The following KCNH7 variants were observed in gnomAD, a reference collection of about 807,000 sequenced individuals.
The protein encoded by KCNH7 is voltage-gated inwardly rectifying potassium channel KCNH7.
A neutral mutation model predicts 120.8 loss-of-function variants in KCNH7; 49 were observed. That is an observed-to-expected ratio of 0.41 (90% CI 0.32 to 0.51). The LOEUF (loss-of-function observed/expected upper bound fraction) is 0.51, where lower values mean the gene tolerates loss of function less well. Ranked by LOEUF, KCNH7 falls within the 20% of genes least tolerant of loss-of-function variation. KCNH7 has a pLI of 0.38. For missense variants in KCNH7, 1,097 were observed against 1,446.6 expected (o/e 0.76, Z 3.92); for synonymous variants, 547 against 516.1 (o/e 1.06, Z -0.81).
chr2:162,402,384 A>T (rs1490444295), intron 9 of KCNH7, among the ~76,000 whole-genome samples: 2 of 146,982 alleles, frequency 1.4e-5, no homozygotes, highest in African/African-American at 2.5e-5. Context: ...AATGCTGGCC[A>T]CTTTGCTTGG....
intron 2 of KCNH7, among the ~76,000 whole-genome samples, chr2:162,571,881 A>C (rs915775548): frequency 2.6e-5 from 4 of 151,906 alleles, no homozygotes; most frequent in Admixed American, 2.6e-4. Context: ...CTTACACCTT[A>C]TACAAAAATC....
intron 6 of KCNH7, among the ~76,000 whole-genome samples, chr2:162,498,821 A>T (rs183059129): frequency 6.0e-4 from 91 of 152,178 alleles, no homozygotes; most frequent in Non-Finnish European, 1.1e-3. Flanking sequence ...TTAGGTGGGG[A>T]GTGCAGTCAA....
chr2:162,546,619 G>A (rs1416977449), intron 2 of KCNH7, among the ~76,000 whole-genome samples: 3 of 152,148 alleles, frequency 2.0e-5, no homozygotes, highest in African/African-American at 7.2e-5. Flanking sequence ...CATGCCTGGT[G>A]TGCCCATGAT....
chr2:162,664,495 C>T (rs889314413), intron 2 of KCNH7, among the ~76,000 whole-genome samples: 3 of 152,070 alleles, frequency 2.0e-5, no homozygotes, highest in Non-Finnish European at 4.4e-5. Context: ...AATAATTTGC[C>T]CACTGATACA....
chr2:162,700,366 G>A (rs538763960), intron 2 of KCNH7, among the ~76,000 whole-genome samples: 20 of 152,274 alleles, frequency 1.3e-4, no homozygotes, highest in African/African-American at 4.8e-4. Context: ...GCTGCAAGCT[G>A]ACTGACCTCG....
chr2:162,632,101 A>G (rs756486248), intron 2 of KCNH7, among the ~76,000 whole-genome samples: 14 of 152,010 alleles, frequency 9.2e-5, no homozygotes, highest in Non-Finnish European at 1.3e-4. Flanking sequence ...GTATTTGGAG[A>G]TAAGGTTATA....
chr2:162,776,129 A>T lies in KCNH7; in HGVS notation c.307+60408T>A, dbSNP rs570498019. Among the ~76,000 whole-genome samples, 4 of 152,296 alleles carry T rather than the reference A, an allele frequency of 2.6e-5. No homozygotes were observed. In the South Asian group the frequency reaches 8.3e-4, roughly 32 times the overall value. On this transcript the variant is annotated intron_variant, in intron 2 of 15. Transcript: ENST00000332142. ...TAAGCTACGAATATACCGTTCTCTC[A>T]TTTATTTAGCAGGTATTTATCAAGT...
intron 2 of KCNH7, among the ~76,000 whole-genome samples, chr2:162,785,443 C>T (rs187524245): frequency 3.3e-5 from 5 of 152,270 alleles, no homozygotes; most frequent in Non-Finnish European, 5.9e-5. Flanking sequence ...ATTAGTGTTA[C>T]TATATCATGA....
chr2:162,691,232 TC>T (rs1172668430), intron 2 of KCNH7, among the ~76,000 whole-genome samples: 1 of 152,214 alleles, frequency 6.6e-6, no homozygotes, highest in African/African-American at 2.4e-5. Context: ...AGTGGTGGTT[TC>T]CTCTGAATTG....
intron 2 of KCNH7, among the ~76,000 whole-genome samples, chr2:162,677,133 ATT>A (rs1403952904): frequency 6.6e-6 from 1 of 151,582 alleles, no homozygotes; most frequent in East Asian, 1.9e-4. Flanking sequence ...AGTGCTAGTA[ATT>A]TTTGAACAGA....
At position 162,489,584 on chromosome 2, in the gene KCNH7, G is replaced by A. The variant is rs181938411; in HGVS notation, c.1128+14859C>T. Among the ~76,000 whole-genome samples, 160 of 152,232 alleles carry A rather than the reference G, an allele frequency of 1.1e-3. 1 individual carries two copies. The highest frequency in any genetic ancestry group is 3.7e-3 in the African/African-American group (155 of 41,534). The stretch of plus-strand genomic sequence containing the variant: ...ACTCAAAGTCTCTATTTAATCAAAG[G>A]CCCTTGAAGACAATGATCTTATTTA... On this transcript the variant is annotated intron_variant, in intron 6 of 15. Coordinates refer to ENST00000332142, the MANE Select transcript of KCNH7 (RefSeq NM_033272.4).
intron 9 of KCNH7, among the ~76,000 whole-genome samples, chr2:162,422,593 T>C (rs1329621656): frequency 2.0e-5 from 3 of 152,132 alleles, no homozygotes; most frequent in Non-Finnish European, 4.4e-5. Flanking sequence ...ATGTGGGCAA[T>C]TCTCCTAATA....
chr2:162,767,740 T>C (rs1238468762), intron 2 of KCNH7, among the ~76,000 whole-genome samples: 1 of 152,124 alleles, frequency 6.6e-6, no homozygotes, highest in Non-Finnish European at 1.5e-5. Flanking sequence ...TATTCATGGG[T>C]GAATACTTCA....
chr2:162,785,142 C>T (rs1337373382), intron 2 of KCNH7: 2 of 152,268 alleles, frequency 1.3e-5, no homozygotes, highest in East Asian at 3.9e-4. Context: ...TAAGGATGGT[C>T]TTTTCTATTC....
intron 2 of KCNH7, among the ~76,000 whole-genome samples, chr2:162,743,479 A>C (rs1250437118): frequency 6.6e-6 from 1 of 152,132 alleles, no homozygotes; most frequent in East Asian, 1.9e-4. Context: ...GTTACCAAAG[A>C]AAAAATGAAA....
intron 2 of KCNH7, among the ~76,000 whole-genome samples, chr2:162,578,125 G>A (rs1693749598): frequency 6.6e-6 from 1 of 151,972 alleles, no homozygotes; most frequent in Admixed American, 6.6e-5. Flanking sequence ...AGTCAAATGT[G>A]CCCTTAGTGA....
At chr2:162,473,834 T>C (rs927863426) in intron 6 of KCNH7, among the ~76,000 whole-genome samples, 3 of 152,220 alleles carry the variant, frequency 2.0e-5, no homozygotes, top group Non-Finnish European at 4.4e-5. Flanking sequence ...TGCTTAAGTA[T>C]GTGCATTTGT....
chr2:162,656,379 A>T (rs575073723), intron 2 of KCNH7, among the ~76,000 whole-genome samples: 1 of 152,312 alleles, frequency 6.6e-6, no homozygotes, highest in African/African-American at 2.4e-5. Context: ...ATACATGAGG[A>T]GTAAGGGTAT....
intron 12 of KCNH7, among the ~76,000 whole-genome samples, chr2:162,391,035 GGTAGGGAGTGGC>G (rs1686730291): frequency 6.6e-6 from 1 of 151,920 alleles, no homozygotes; most frequent in African/African-American, 2.4e-5. Flanking sequence ...CCACTCAGTG[GGTAGGGAGTGGC>G]AATCCAGGAC....
Sources: allele counts gnomAD v4.1 joint callset (sites outside exome capture counted in the v4.1 genomes callset), GRCh38; gene constraint gnomAD v4.1.1; transcripts MANE v1.5; gene names NCBI Gene and HGNC (gene_info 2026-07-23, HGNC 2026-07-21).